The following ENOX1 variants were observed in gnomAD, a reference collection of about 807,000 sequenced individuals.
The protein encoded by ENOX1 is candidate growth-related and time keeping constitutive hydroquinone (NADH) oxidase.
ENOX1 carries 42 observed loss-of-function variants against 82.5 expected under a neutral mutation model. The observed-to-expected ratio is 0.51, with a 90% CI of 0.40 to 0.66. The LOEUF (loss-of-function observed/expected upper bound fraction) is 0.66. ENOX1 is among the 30% of genes least tolerant of loss of function. The probability of loss-of-function intolerance (pLI) is 0.00; values close to 1 mark genes in which losing one functional copy is unlikely to be tolerated. For synonymous variants in ENOX1, 271 were observed against 282.2 expected (o/e 0.96, Z 0.40); for missense variants, 608 against 811.6 (o/e 0.75, Z 3.05).
intron 2 of ENOX1, among the ~76,000 whole-genome samples, chr13:43,527,221 A>G (rs530802685): frequency 3.8e-4 from 58 of 152,214 alleles, no homozygotes; most frequent in Admixed American, 2.0e-3. Context: ...GGTGCCCAGC[A>G]CAGACCCTCA....
intron 5 of ENOX1, among the ~76,000 whole-genome samples, chr13:43,382,363 T>C (rs1483068477): frequency 6.6e-6 from 1 of 152,174 alleles, no homozygotes; most frequent in Admixed American, 6.5e-5. Flanking sequence ...AAAGGTTATG[T>C]ACTTTAAAAC....
intron 2 of ENOX1, among the ~76,000 whole-genome samples, chr13:43,607,793 T>A (rs1347933990): frequency 6.6e-6 from 1 of 152,190 alleles, no homozygotes; most frequent in East Asian, 1.9e-4. Flanking sequence ...CTGATTCTCT[T>A]GAAGGTAAGT....
intron 5 of ENOX1, among the ~76,000 whole-genome samples, chr13:43,396,917 A>G (rs1317662727): frequency 2.0e-5 from 3 of 152,244 alleles, no homozygotes; most frequent in Non-Finnish European, 4.4e-5. Context: ...AAATCTGTGC[A>G]ACTTGCCCAT....
At chr13:43,242,368 C>T (rs959162512) in intron 14 of ENOX1, among the ~76,000 whole-genome samples, 1 of 152,264 alleles carries the variant, frequency 6.6e-6, no homozygotes, top group Admixed American at 6.5e-5. Flanking sequence ...TCCTCCTCTT[C>T]TCTAGCTTTG....
At chr13:43,466,211 G>C (rs972498281) in intron 3 of ENOX1, among the ~76,000 whole-genome samples, 1 of 151,776 alleles carries the variant, frequency 6.6e-6, no homozygotes, top group East Asian at 1.9e-4. Flanking sequence ...AATAATAAAA[G>C]AGAAAAACTA....
chr13:43,685,255 T>C (rs1251839974), intron 1 of ENOX1, among the ~76,000 whole-genome samples: 1 of 152,182 alleles, frequency 6.6e-6, no homozygotes, highest in Non-Finnish European at 1.5e-5. Context: ...TTCCCAGCAA[T>C]TGCAATCTGC....
chr13:43,504,116 A>G (rs1035840051), intron 2 of ENOX1, among the ~76,000 whole-genome samples: 1 of 151,840 alleles, frequency 6.6e-6, no homozygotes, highest in African/African-American at 2.4e-5. Context: ...GGAAATTCAA[A>G]TCAAAACTGA....
intron 1 of ENOX1, among the ~76,000 whole-genome samples, chr13:43,712,701 T>G (rs905473601): frequency 6.6e-6 from 1 of 152,210 alleles, no homozygotes; most frequent in Non-Finnish European, 1.5e-5. Flanking sequence ...AGTTCACTCA[T>G]GATTTGGCTC....
chr13:43,465,446 C>T (rs2057676227), intron 3 of ENOX1, among the ~76,000 whole-genome samples: 2 of 152,034 alleles, frequency 1.3e-5, no homozygotes, highest in Admixed American at 6.5e-5. Flanking sequence ...GTTTTTTGAG[C>T]ACTTATTTTT....
At chr13:43,718,112 C>T (rs1203878654) in intron 1 of ENOX1, among the ~76,000 whole-genome samples, 1 of 152,174 alleles carries the variant, frequency 6.6e-6, no homozygotes, top group African/African-American at 2.4e-5. Flanking sequence ...TTCACAATAG[C>T]AGAGATGTGG....
intron 1 of ENOX1, among the ~76,000 whole-genome samples, chr13:43,728,715 G>A (rs893204766): frequency 3.3e-5 from 5 of 152,200 alleles, no homozygotes; most frequent in Admixed American, 6.5e-5. Flanking sequence ...ATTTCTAAGA[G>A]GGGGATATAG....
intron 3 of ENOX1, among the ~76,000 whole-genome samples, chr13:43,413,677 C>T (rs1156478671): frequency 1.4e-5 from 2 of 143,192 alleles, no homozygotes. Flanking sequence ...CTTAGAATTG[C>T]CCAGCTTATA....
chr13:43,551,651 C>A (rs985411560), intron 2 of ENOX1, among the ~76,000 whole-genome samples: 1 of 152,102 alleles, frequency 6.6e-6, no homozygotes, highest in Non-Finnish European at 1.5e-5. Context: ...GACTGAAAAG[C>A]AAAAGAACAT....
intron 2 of ENOX1, among the ~76,000 whole-genome samples, chr13:43,635,175 GA>G (rs1393739888): frequency 6.6e-6 from 1 of 152,142 alleles, no homozygotes; most frequent in Non-Finnish European, 1.5e-5. Context: ...CCTGTGAAGT[GA>G]TAAAAGAGAA....
rs2057988907 is a variant in ENOX1 at position 43,470,356 on chromosome 13, A to ATATATATACATATATATG, written c.-75+13652_-75+13653insCATATATATGTATATATA. Among the ~76,000 whole-genome samples, 3 of 51,240 alleles carry ATATATATACATATATATG rather than the reference A, an allele frequency of 5.9e-5. No individual in the cohort carries two copies. In the South Asian group the frequency reaches 3.1e-3, roughly 53 times the overall value. 33.6% of individuals were successfully genotyped at this position (51,240 alleles called of 152,430 possible). ...TATATATATACGTATATATATATGTATATATATACGTATATATATACATAT... is the reference window on the plus strand; with the variant it reads ...TATATATATACGTATATATATATGTATATATATACATATATATGTATATATACGTATATATATACATAT... On this transcript the variant is annotated intron_variant, in intron 3 of 16. Coordinates refer to ENST00000690772, the MANE Select transcript of ENOX1 (RefSeq NM_001347969.2).
intron 2 of ENOX1, among the ~76,000 whole-genome samples, chr13:43,608,594 G>A (rs926791081): frequency 6.6e-6 from 1 of 152,120 alleles, no homozygotes; most frequent in Non-Finnish European, 1.5e-5. Context: ...CAGGAGCTCA[G>A]GGCTACTGGT....
At chr13:43,742,860 A>G (rs937216832) in intron 1 of ENOX1, among the ~76,000 whole-genome samples, 6 of 152,302 alleles carry the variant, frequency 3.9e-5, no homozygotes, top group Non-Finnish European at 8.8e-5. Flanking sequence ...TCAGTTAGAC[A>G]AACTGCAATT....
intron 2 of ENOX1, among the ~76,000 whole-genome samples, chr13:43,497,724 G>C (rs1247941398): frequency 6.6e-6 from 1 of 151,988 alleles, no homozygotes; most frequent in African/African-American, 2.4e-5. Context: ...ATCAGGACTT[G>C]GTATTAGAAT....
At chr13:43,669,571 C>T (rs982022433) in intron 1 of ENOX1, among the ~76,000 whole-genome samples, 5 of 135,650 alleles carry the variant, frequency 3.7e-5, no homozygotes, top group Admixed American at 6.9e-5. Flanking sequence ...GACAACCAAA[C>T]ATCTTTTTTT....
Sources: allele counts gnomAD v4.1 joint callset (sites outside exome capture counted in the v4.1 genomes callset), GRCh38; gene constraint gnomAD v4.1.1; transcripts MANE v1.5; gene names NCBI Gene and HGNC (gene_info 2026-07-23, HGNC 2026-07-21).